Variants in PAPPA observed in about 807,000 individuals in gnomAD.
PAPPA encodes the protein pappalysin 1.
PAPPA carries 60 observed loss-of-function variants against 164.0 expected under a neutral mutation model. That is an observed-to-expected ratio of 0.37 (90% CI 0.30 to 0.45). The LOEUF is 0.45. Among genes scored for constraint, PAPPA ranks in the 20% least tolerant of loss-of-function variants. The pLI, the probability that PAPPA is intolerant of heterozygous loss-of-function variation, is 1.00. For synonymous variants in PAPPA, 875 were observed against 814.1 expected (o/e 1.07, Z -1.27); for missense variants, 1,782 against 2,087.3 (o/e 0.85, Z 2.85).
At chr9:116,386,644 G>A (rs1261295950) in intron 21 of PAPPA, among the ~76,000 whole-genome samples, 1 of 152,168 alleles carries the variant, frequency 6.6e-6, no homozygotes, top group Non-Finnish European at 1.5e-5. Flanking sequence ...CCTGCATGGT[G>A]CTGAGTTTCA....
rs1330111562 is a variant in PAPPA at position 116,347,310 on chromosome 9, A to C, written c.3964+101A>C. 2 of 1,014,602 alleles carry C rather than the reference A, an allele frequency of 2.0e-6. No individual in the cohort carries two copies. Among genetic ancestry groups the C allele is most frequent in the African/African-American group, 3.2e-5 (2 of 61,868 alleles). The allele number at this position is 1,014,602 out of a possible 1,614,324, so 62.8% of individuals were successfully genotyped here. ...CTGGGTCTCAAACACCAAGGGTGGG[A>C]TGGGTTTTATCTATGCTCCTGACTT... On this transcript the variant is annotated intron_variant, in intron 15 of 21. Transcript: ENST00000328252. This position sits in a 1 kb window ranked among gnomAD's most constrained non-coding sequence, Gnocchi z 4.5.
intron 1 of PAPPA, among the ~76,000 whole-genome samples, chr9:116,179,634 G>A (rs888537076): frequency 3.3e-5 from 5 of 152,146 alleles, no homozygotes; most frequent in African/African-American, 7.2e-5. Context: ...TACCCTCCTC[G>A]GTGATATCCC....
intron 19 of PAPPA, among the ~76,000 whole-genome samples, chr9:116,376,521 T>G (rs796255531): frequency 2.8e-4 from 43 of 152,318 alleles, no homozygotes; most frequent in African/African-American, 1.0e-3. Context: ...ATGGGGAATT[T>G]ACTCTCTTAT....
intron 19 of PAPPA, among the ~76,000 whole-genome samples, chr9:116,377,195 C>G (rs1846665423): frequency 6.6e-6 from 1 of 150,618 alleles, no homozygotes. Flanking sequence ...CACACACATG[C>G]AAACACACAC....
chr9:116,396,340 T>C (rs1485292504), intron 21 of PAPPA, among the ~76,000 whole-genome samples, 169 bp from the exon 22 acceptor site: 1 of 152,178 alleles, frequency 6.6e-6, no homozygotes, highest in Non-Finnish European at 1.5e-5. Flanking sequence ...GTGATTATGA[T>C]CATGGTGTGC....
chr9:116,287,751 T>C (rs1203036919), intron 9 of PAPPA, among the ~76,000 whole-genome samples: 1 of 152,194 alleles, frequency 6.6e-6, no homozygotes, highest in Non-Finnish European at 1.5e-5. Context: ...TGCTCAGTGG[T>C]TGGTGCCTAT....
chr9:116,312,437 T>C (rs938125813), intron 10 of PAPPA, among the ~76,000 whole-genome samples: 8 of 152,132 alleles, frequency 5.3e-5, no homozygotes, highest in Admixed American at 2.6e-4. Context: ...TGGGCTGTAA[T>C]GCACTTAGGA....
intron 1 of PAPPA, among the ~76,000 whole-genome samples, chr9:116,155,350 C>T (rs540834689): frequency 1.3e-5 from 2 of 152,344 alleles, no homozygotes; most frequent in African/African-American, 2.4e-5. Context: ...CGCTGTTCCA[C>T]AGCAAAGCCT....
chr9:116,280,923 C>G (rs1238516487), intron 9 of PAPPA, among the ~76,000 whole-genome samples: 1 of 152,192 alleles, frequency 6.6e-6, no homozygotes, highest in African/African-American at 2.4e-5. Context: ...TGACTGCTGG[C>G]AGAGGTGGAT....
intron 8 of PAPPA, 56 bp downstream of exon 8, chr9:116,266,041 G>A (rs780987941): frequency 5.3e-6 from 8 of 1,496,134 alleles, no homozygotes; most frequent in South Asian, 2.5e-5. Context: ...GTCAAGAGAT[G>A]GTTAGGGTGC....
chr9:116,217,743 G>A (rs1844393517), intron 4 of PAPPA, among the ~76,000 whole-genome samples: 1 of 152,050 alleles, frequency 6.6e-6, no homozygotes, highest in Admixed American at 6.6e-5. Context: ...CCACACCCCT[G>A]CACCTTGGCT....
intron 10 of PAPPA, among the ~76,000 whole-genome samples, chr9:116,303,330 G>A (rs1373085252): frequency 1.3e-5 from 2 of 152,148 alleles, no homozygotes; most frequent in Non-Finnish European, 2.9e-5. Context: ...ACAGTAATTT[G>A]CTATGTGGCC....
chr9:116,217,064 T>C (rs1324685390), intron 4 of PAPPA, among the ~76,000 whole-genome samples: 1 of 152,162 alleles, frequency 6.6e-6, no homozygotes, highest in Admixed American at 6.5e-5. Context: ...AAAGTTCAAA[T>C]ACATTCCTGT....
intron 14 of PAPPA, 28 bp downstream of exon 14, chr9:116,344,739 T>C: frequency 6.3e-7 from 1 of 1,597,038 alleles, no homozygotes. Context: ...GCTCAGAGCC[T>C]CTCTGCAGCC....
chr9:116,285,418 C>T (rs1437637649), intron 9 of PAPPA, among the ~76,000 whole-genome samples: 4 of 152,044 alleles, frequency 2.6e-5, no homozygotes, highest in African/African-American at 9.7e-5. Context: ...CTGCCCACCT[C>T]GGCCAGGATT....
chr9:116,313,983 G>A (rs556513209), intron 10 of PAPPA, among the ~76,000 whole-genome samples: 6 of 149,300 alleles, frequency 4.0e-5, no homozygotes, highest in East Asian at 2.0e-4. Flanking sequence ...GGGATAGCAC[G>A]CTTAAAGCAC....
At chr9:116,392,353 T>A (rs755633582) in intron 21 of PAPPA, among the ~76,000 whole-genome samples, 2 of 152,210 alleles carry the variant, frequency 1.3e-5, no homozygotes, top group Non-Finnish European at 2.9e-5. Flanking sequence ...CACTGACTGG[T>A]ACTGAGGCCT....
At chr9:116,214,396 G>A (rs1844346019) in intron 4 of PAPPA, among the ~76,000 whole-genome samples, 1 of 152,174 alleles carries the variant, frequency 6.6e-6, no homozygotes, top group African/African-American at 2.4e-5. Flanking sequence ...TGCAGAAAAT[G>A]TGGTTCAGGT....
rs1184755526 is a variant in PAPPA at position 116,187,036 on chromosome 9, A to G, written c.416-118A>G. 4.1e-6 allele frequency: 3 copies of G among 723,220 alleles called. No individual in the cohort carries two copies. Among genetic ancestry groups the G allele is most frequent in the Non-Finnish European group, 2.3e-6 (1 of 444,154 alleles). The allele number at this position is 723,220 out of a possible 1,614,324, so 44.8% of individuals were successfully genotyped here. ...AGCAACTCCTAGGATCCCACAGAGC[A>G]GTTGGAAAGCGATGAGTCTAGGATA... is the stretch of plus-strand genomic sequence containing the variant. On this transcript the variant is annotated intron_variant, in intron 1 of 21. Transcript: ENST00000328252. The surrounding 1 kb of genome is among the most constrained non-coding windows in gnomAD (Gnocchi z 4.2).
Sources: allele counts gnomAD v4.1 joint callset (sites outside exome capture counted in the v4.1 genomes callset), GRCh38; gene constraint gnomAD v4.1.1; non-coding constraint Gnocchi (gnomAD v3.1); transcripts MANE v1.5; gene names NCBI Gene and HGNC (gene_info 2026-07-23, HGNC 2026-07-21).